RGR: variants seen among roughly 807,000 people sequenced by gnomAD.
The protein encoded by RGR is RPE-retinal G protein-coupled receptor.
Under a neutral mutation model 28.6 loss-of-function variants are expected in RGR, and 30 were observed. The observed-to-expected ratio is 1.05, with a 90% CI of 0.78 to 1.42. RGR has a LOEUF of 1.42. Among genes scored for constraint, RGR ranks in the 40% most tolerant of loss-of-function variants. RGR has a pLI of 0.00. For missense variants in RGR, 404 were observed against 375.6 expected, an observed-to-expected ratio of 1.08 and a Z score of -0.62; for synonymous variants, 180 against 156.4, an observed-to-expected ratio of 1.15 and a Z score of -1.13.
At position 84,259,281 on chromosome 10, in the gene RGR, C is replaced by T. The variant is rs1842925929; in HGVS notation, c.*642C>T. 6.5e-6 allele frequency: 1 copy of T among 154,598 alleles called. No individual in the cohort carries two copies. Among genetic ancestry groups the T allele is most frequent in the African/African-American group, 2.4e-5 (1 of 41,360 alleles). 9.6% of individuals were successfully genotyped at this position (154,598 alleles called of 1,614,324 possible). On this transcript the variant is annotated 3_prime_UTR_variant, in exon 7 of 7. Coordinates refer to ENST00000652092, the MANE Select transcript of RGR (RefSeq NM_001012720.2). The stretch of plus-strand genomic sequence containing the variant: ...AAACGTTATATATATGTAACGTTTT[C>T]TTTATCCAATCATCTGTTGATGGAT...
intron 1 of RGR, among the ~76,000 whole-genome samples, chr10:84,247,009 C>T (rs1376467914): frequency 6.6e-6 from 1 of 152,188 alleles, no homozygotes; most frequent in Non-Finnish European, 1.5e-5. Context: ...GGATTTTTTC[C>T]TGTTCCTCAC....
Position 84,245,095 on chromosome 10 carries a change from C to T in RGR, c.5C>T (p.Ala2Val), listed in dbSNP as rs1842730590. ...TGGCAGTGAGGGAGAGTGAGGATGGCAGAGACCAGTGCCCTGCCCACTGGC... is the reference window on the plus strand; with the variant it reads ...TGGCAGTGAGGGAGAGTGAGGATGGTAGAGACCAGTGCCCTGCCCACTGGC... M[A>V]ETSALPTGFG... The change falls in exon 1 of 7, where the codon GCA becomes GTA. Residue 2 changes from alanine (A) to valine (V), a missense_variant. Coordinates refer to ENST00000652092, the MANE Select transcript of RGR (RefSeq NM_001012720.2). The T allele has an allele frequency of 1.2e-6, 2 of 1,613,554 alleles. No homozygotes were observed. The highest frequency in any genetic ancestry group is 2.2e-5 in the East Asian group (1 of 44,858).
At chr10:84,248,683 A>C in intron 2 of RGR, 1 of 620,156 alleles carries the variant, frequency 1.6e-6, no homozygotes, top group East Asian at 2.8e-5. Context: ...ACGCAGAGAG[A>C]GCCTATGGCC....
Position 84,259,020 on chromosome 10 carries a change from A to C in RGR, c.*381A>C, listed in dbSNP as rs1589338083. On this transcript the variant is annotated 3_prime_UTR_variant, in exon 7 of 7. Transcript: ENST00000652092. ...CCCATTAAGTTATTTCTCATCCCTC[A>C]CCCCCTCCCACCTTGTCACCCTTCT... The C allele has an allele frequency of 5.3e-5, 15 of 281,342 alleles. No homozygotes were observed. The highest frequency in any genetic ancestry group is 1.1e-4 in the South Asian group (3 of 26,796). 17.4% of individuals were successfully genotyped at this position (281,342 alleles called of 1,614,324 possible). A position where few individuals can be genotyped will look rare whatever the true frequency, so the allele number is the denominator to read the frequency against.
At chr10:84,245,452 G>A (rs766920030) in intron 1 of RGR, among the ~76,000 whole-genome samples, 10 of 152,184 alleles carry the variant, frequency 6.6e-5, no homozygotes, top group Non-Finnish European at 1.5e-4. Flanking sequence ...TCAAGAGCCA[G>A]GCTTTAGGAC....
At chr10:84,257,532 C>T (rs1842902777) in intron 5 of RGR, among the ~76,000 whole-genome samples, 1 of 152,082 alleles carries the variant, frequency 6.6e-6, no homozygotes, top group African/African-American at 2.4e-5. Flanking sequence ...CCCAGGAGTT[C>T]GAGACCAGCC....
intron 1 of RGR, among the ~76,000 whole-genome samples, chr10:84,245,503 C>T (rs1842736879): frequency 6.6e-6 from 1 of 152,144 alleles, no homozygotes; most frequent in African/African-American, 2.4e-5. Flanking sequence ...TAATCCACTC[C>T]TTGGAAATCC....
intron 5 of RGR, 107 bp downstream of exon 5, chr10:84,254,550 A>G: frequency 1.0e-6 from 1 of 961,600 alleles, no homozygotes; most frequent in Middle Eastern, 2.1e-4. Flanking sequence ...CAAAACAAAT[A>G]TTCATTGCTT....
rs750601323 is a variant in RGR, at chr10:84,258,500, C to T, written c.745-8C>T. ...AAGCTTCTTTTCTGGACTTTTCTGCCACAACAGGTGCCCGCCCTCATTGCC... is the reference window on the plus strand; with the variant it reads ...AAGCTTCTTTTCTGGACTTTTCTGCTACAACAGGTGCCCGCCCTCATTGCC... On this transcript the variant is annotated splice_polypyrimidine_tract_variant and splice_region_variant and intron_variant, in intron 6 of 6. Coordinates refer to ENST00000652092, the MANE Select transcript of RGR (RefSeq NM_001012720.2). 6.2e-7 allele frequency: 1 copy of T among 1,614,176 alleles called. No homozygotes were observed. Among genetic ancestry groups the T allele is most frequent in the Non-Finnish European group, 8.5e-7 (1 of 1,180,014 alleles).
intron 2 of RGR, 23 bp from the exon 3 acceptor site, chr10:84,248,899 C>G (rs761607505): frequency 2.5e-6 from 4 of 1,614,216 alleles, no homozygotes; most frequent in Non-Finnish European, 3.4e-6. Context: ...GGAGAGGTCA[C>G]TGGTGCCCAG....
At chr10:84,247,814 G>C in intron 2 of RGR, 67 bp downstream of exon 2, 1 of 1,610,946 alleles carries the variant, frequency 6.2e-7, no homozygotes, top group Non-Finnish European at 8.5e-7. Context: ...TGGGCCCTGG[G>C]CAGCCAGGCC....
At position 84,259,014 on chromosome 10, in the gene RGR, T is replaced by C. The variant is rs141902193; in HGVS notation, c.*375T>C. The stretch of plus-strand genomic sequence containing the variant: ...GTTGTACCCATTAAGTTATTTCTCA[T>C]CCCTCACCCCCTCCCACCTTGTCAC... On this transcript the variant is annotated 3_prime_UTR_variant, in exon 7 of 7. Transcript: ENST00000652092. 88 of 305,212 alleles carry C rather than the reference T, an allele frequency of 2.9e-4. No individual in the cohort carries two copies. Among genetic ancestry groups the C allele is most frequent in the African/African-American group, 1.7e-3 (80 of 46,388 alleles). The allele number at this position is 305,212 out of a possible 1,614,324, so 18.9% of individuals were successfully genotyped here.
Position 84,258,733 on chromosome 10 carries a change from T to A in RGR, c.*94T>A. On this transcript the variant is annotated 3_prime_UTR_variant, in exon 7 of 7. Transcript: ENST00000652092. The stretch of plus-strand genomic sequence containing the variant: ...GCCAAGCCCAGACACTCACCCACCT[T>A]CCCCAGTGGCCCCGTGGATCCTGGT... The A allele has an allele frequency of 6.4e-7, 1 of 1,567,158 alleles. No homozygotes were observed.
chr10:84,258,378 G>T (rs1842913797), intron 6 of RGR, 130 bp from the exon 7 acceptor site: 1 of 1,472,094 alleles, frequency 6.8e-7, no homozygotes, highest in Admixed American at 1.8e-5. Context: ...AACTAGTCAG[G>T]GAAGCCTCCA....
At chr10:84,255,784 GT>G (rs2132888024) in intron 5 of RGR, among the ~76,000 whole-genome samples, 1 of 143,942 alleles carries the variant, frequency 6.9e-6, no homozygotes, top group African/African-American at 2.6e-5. Context: ...GAGCGCAATG[GT>G]GTGATGTCGG....
At chr10:84,246,746 A>G (rs1013908202) in intron 1 of RGR, among the ~76,000 whole-genome samples, 3 of 152,252 alleles carry the variant, frequency 2.0e-5, no homozygotes, top group Admixed American at 2.0e-4. Context: ...TAGTTATTTA[A>G]GGAATCTCTA....
chr10:84,254,493 G>C (rs1349186926), intron 5 of RGR, 50 bp downstream of exon 5: 3 of 1,449,810 alleles, frequency 2.1e-6, no homozygotes, highest in Non-Finnish European at 2.9e-6. Flanking sequence ...GCAGCTCCAG[G>C]CTCTTGGTGT....
chr10:84,247,880 A>G, intron 2 of RGR, 133 bp downstream of exon 2: 2 of 1,264,590 alleles, frequency 1.6e-6, no homozygotes, highest in Non-Finnish European at 2.2e-6. Flanking sequence ...TGGGCAGGCT[A>G]AAATGGGCTG....
intron 3 of RGR, chr10:84,250,874 C>A (rs182691516): frequency 3.5e-4 from 53 of 149,760 alleles, no homozygotes; most frequent in Admixed American, 8.8e-4. Flanking sequence ...CACCACTGCA[C>A]TCCAGCCTGG....
Sources: allele counts gnomAD v4.1 joint callset (sites outside exome capture counted in the v4.1 genomes callset), GRCh38; gene constraint gnomAD v4.1.1; transcripts MANE v1.5; gene names NCBI Gene and HGNC (gene_info 2026-07-23, HGNC 2026-07-21).